The following MNAT1 variants were observed in gnomAD, a reference collection of about 807,000 sequenced individuals.
The protein encoded by MNAT1 is MNAT1 component of CDK activating kinase, also known as CDK-activating kinase assembly factor MAT1.
Under a neutral mutation model 42.0 loss-of-function variants are expected in MNAT1, and 43 were observed. The ratio of observed to expected loss-of-function variants is 1.02; its 90% CI spans 0.80 to 1.32. The LOEUF (loss-of-function observed/expected upper bound fraction) is 1.32, where lower values mean the gene tolerates loss of function less well. Among genes scored for constraint, MNAT1 ranks in the 40% most tolerant of loss-of-function variants. MNAT1 has a pLI of 0.00. For missense variants in MNAT1, 306 were observed against 350.4 expected (o/e 0.87, Z 1.01); for synonymous variants, 118 against 120.0 (o/e 0.98, Z 0.11).
intron 1 of MNAT1, among the ~76,000 whole-genome samples, chr14:60,742,111 G>C (rs977780104): frequency 2.0e-5 from 3 of 151,500 alleles, no homozygotes; most frequent in Non-Finnish European, 4.4e-5. Flanking sequence ...TAAGAGACAG[G>C]ATCTCACTCT....
At position 60,876,900 on chromosome 14, in the gene MNAT1, G is replaced by A. The variant is rs72722286; in HGVS notation, c.688-2814G>A. On this transcript the variant is annotated intron_variant, in intron 6 of 7. Coordinates refer to ENST00000261245, the MANE Select transcript of MNAT1 (RefSeq NM_002431.4). ...AATGCTGCTGTAAATATGCATTGGTGTACAAATATTTCTTTGAGACCCTGC... is the reference window on the plus strand; with the variant it reads ...AATGCTGCTGTAAATATGCATTGGTATACAAATATTTCTTTGAGACCCTGC... Among the ~76,000 whole-genome samples the A allele has an allele frequency of 7.2e-3, 1,097 of 152,116 alleles. 10 individuals carry two copies. The highest frequency in any genetic ancestry group is 0.013 in the Non-Finnish European group (872 of 67,926).
At chr14:60,819,680 A>G (rs2139365588) in intron 6 of MNAT1, among the ~76,000 whole-genome samples, 1 of 152,272 alleles carries the variant, frequency 6.6e-6, no homozygotes. Flanking sequence ...TGGTTTTAAA[A>G]AAGTTGTGGC....
At chr14:60,923,584 G>A (rs1363376245) in intron 7 of MNAT1, among the ~76,000 whole-genome samples, 3 of 152,178 alleles carry the variant, frequency 2.0e-5, no homozygotes, top group Middle Eastern at 3.4e-3. Context: ...TCTTCAATTA[G>A]ACATTTAGGT....
chr14:60,940,237 A>C (rs1191582841), intron 7 of MNAT1, among the ~76,000 whole-genome samples: 2 of 152,234 alleles, frequency 1.3e-5, no homozygotes, highest in East Asian at 3.9e-4. Flanking sequence ...TTTACATTTA[A>C]GGTTAATATT....
chr14:60,882,709 A>G (rs1035146406), intron 7 of MNAT1, among the ~76,000 whole-genome samples: 1 of 152,020 alleles, frequency 6.6e-6, no homozygotes, highest in Admixed American at 6.6e-5. Flanking sequence ...ACAGTGTACA[A>G]GATTTTCTTT....
intron 7 of MNAT1, among the ~76,000 whole-genome samples, chr14:60,958,051 G>A (rs2036517489): frequency 6.6e-6 from 1 of 152,060 alleles, no homozygotes; most frequent in Non-Finnish European, 1.5e-5. Flanking sequence ...TGGTCAGGCT[G>A]GTCTCGAACT....
chr14:60,800,933 T>G (rs549942059), intron 3 of MNAT1, among the ~76,000 whole-genome samples: 1 of 152,316 alleles, frequency 6.6e-6, no homozygotes, highest in Admixed American at 6.5e-5. Context: ...ATGTGGTATT[T>G]GCCCTCAATA....
At chr14:60,911,890 C>G (rs1435484083) in intron 7 of MNAT1, among the ~76,000 whole-genome samples, 5 of 151,848 alleles carry the variant, frequency 3.3e-5, no homozygotes, top group Non-Finnish European at 7.4e-5. Flanking sequence ...AACTTTCTGT[C>G]TCGTTGATCT....
At chr14:60,850,062 C>G (rs191935648) in intron 6 of MNAT1, among the ~76,000 whole-genome samples, 33 of 152,246 alleles carry the variant, frequency 2.2e-4, no homozygotes, top group African/African-American at 7.5e-4. Flanking sequence ...GTATCAAACT[C>G]CTGACCTCAG....
chr14:60,811,896 A>C, intron 4 of MNAT1, 91 bp from the exon 5 acceptor site: 1 of 921,626 alleles, frequency 1.1e-6, no homozygotes. Context: ...AGTGTGTTTT[A>C]TGCTTCCAAT....
At chr14:60,832,092 T>C (rs1308748356) in intron 6 of MNAT1, among the ~76,000 whole-genome samples, 1 of 152,226 alleles carries the variant, frequency 6.6e-6, no homozygotes, top group East Asian at 1.9e-4. Flanking sequence ...CTTTGTCAGA[T>C]AGATAGATTG....
At chr14:60,887,283 C>A (rs2034699344) in intron 7 of MNAT1, among the ~76,000 whole-genome samples, 2 of 151,334 alleles carry the variant, frequency 1.3e-5, no homozygotes, top group South Asian at 4.2e-4. Context: ...TACATGTGCA[C>A]AATGTGCAGG....
chr14:60,914,642 G>A (rs1015699388), intron 7 of MNAT1, among the ~76,000 whole-genome samples: 8 of 151,910 alleles, frequency 5.3e-5, no homozygotes, highest in African/African-American at 1.9e-4. Flanking sequence ...CTTCTGTGTT[G>A]TAGGTAGCTT....
intron 1 of MNAT1, among the ~76,000 whole-genome samples, chr14:60,787,680 T>C (rs1445507898): frequency 6.6e-6 from 1 of 152,240 alleles, no homozygotes; most frequent in Non-Finnish European, 1.5e-5. Flanking sequence ...GTATATGTTA[T>C]TTCTGAATCT....
intron 7 of MNAT1, among the ~76,000 whole-genome samples, chr14:60,884,964 C>G (rs573188119): frequency 6.6e-6 from 1 of 152,008 alleles, no homozygotes; most frequent in Non-Finnish European, 1.5e-5. Flanking sequence ...AACATTTTCA[C>G]CGGATATACT....
chr14:60,924,605 A>G (rs1338332943), intron 7 of MNAT1, among the ~76,000 whole-genome samples: 1 of 143,702 alleles, frequency 7.0e-6, no homozygotes. Flanking sequence ...TCTGTACTGT[A>G]AAACTAGCTA....
At chr14:60,791,162 G>A (rs1338336368) in intron 1 of MNAT1, among the ~76,000 whole-genome samples, 2 of 151,982 alleles carry the variant, frequency 1.3e-5, no homozygotes, top group Non-Finnish European at 2.9e-5. Context: ...TATACTATTT[G>A]AATTTGTACC....
chr14:60,765,392 G>A lies in MNAT1; in HGVS notation c.89+30441G>A. Among the ~76,000 whole-genome samples, 3 of 152,276 alleles carry A rather than the reference G, an allele frequency of 2.0e-5. No individual in the cohort carries two copies. The Middle Eastern group carries it at 0.01, about 518-fold the overall frequency. The stretch of plus-strand genomic sequence containing the variant: ...TGTCGGTGGGTTGGGGGCTAGTTGA[G>A]GGATAGCATTAGGAGAAATACCTGA... On this transcript the variant is annotated intron_variant, in intron 1 of 7. Coordinates refer to ENST00000261245, the MANE Select transcript of MNAT1 (RefSeq NM_002431.4).
At chr14:60,784,289 C>G (rs7144443) in intron 1 of MNAT1, among the ~76,000 whole-genome samples, 140,128 of 148,064 alleles carry the variant, frequency 0.95, 66,577 homozygotes, top group Non-Finnish European at 0.99. Flanking sequence ...CTCCCAAAGT[C>G]CTGGGATTAC....
Sources: allele counts gnomAD v4.1 joint callset (sites outside exome capture counted in the v4.1 genomes callset), GRCh38; gene constraint gnomAD v4.1.1; transcripts MANE v1.5; gene names NCBI Gene and HGNC (gene_info 2026-07-23, HGNC 2026-07-21).